CFAP299: variants seen among roughly 807,000 people sequenced by gnomAD.
The protein encoded by CFAP299 is cilia and flagella associated protein 299.
In CFAP299, 21 loss-of-function variants were observed where a neutral mutation model predicts 27.0. The observed-to-expected ratio is 0.78, with a 90% CI of 0.55 to 1.12. The LOEUF (loss-of-function observed/expected upper bound fraction) is 1.12. CFAP299 is among the 50% of genes most tolerant of loss of function. CFAP299 has a pLI of 0.00. For missense variants in CFAP299, 310 were observed against 276.6 expected (o/e 1.12, Z -0.86); for synonymous variants, 104 against 98.1 (o/e 1.06, Z -0.36).
intron 2 of CFAP299, among the ~76,000 whole-genome samples, chr4:80,438,098 T>C (rs914127777): frequency 2.0e-5 from 3 of 152,190 alleles, no homozygotes; most frequent in Admixed American, 6.5e-5. Context: ...GATAAATAAG[T>C]ACAATAATAT....
At chr4:80,952,990 T>C (rs1284919493) in intron 5 of CFAP299, among the ~76,000 whole-genome samples, 1 of 152,188 alleles carries the variant, frequency 6.6e-6, no homozygotes, top group Non-Finnish European at 1.5e-5. Flanking sequence ...GGTTCCAATT[T>C]AATCTCTTGG....
chr4:80,493,794 A>G (rs1731278873), intron 2 of CFAP299, among the ~76,000 whole-genome samples: 1 of 93,828 alleles, frequency 1.1e-5, no homozygotes, highest in African/African-American at 4.9e-5. Context: ...TTTGAGACGG[A>G]GTCTCGCTCT....
At chr4:80,327,538 G>A in the CFAP299 span, among the ~76,000 whole-genome samples, 1 of 151,520 alleles carries the variant, frequency 6.6e-6, no homozygotes, top group African/African-American at 2.4e-5. Context: ...TCTGGATTAA[G>A]GAAGGCAGCA....
intron 2 of CFAP299, among the ~76,000 whole-genome samples, chr4:80,380,958 T>C (rs1050598564): frequency 1.3e-5 from 2 of 152,168 alleles, no homozygotes; most frequent in Admixed American, 6.5e-5. Flanking sequence ...TCTAGTATAA[T>C]TGTTTTACCA....
At chr4:80,857,405 C>T (rs1327778756) in intron 3 of CFAP299, among the ~76,000 whole-genome samples, 3 of 152,118 alleles carry the variant, frequency 2.0e-5, no homozygotes, top group South Asian at 2.1e-4. Flanking sequence ...ATTTCCTTCT[C>T]CTGCCTGATT....
intron 2 of CFAP299, among the ~76,000 whole-genome samples, chr4:80,450,516 G>C (rs1728847391): frequency 6.6e-6 from 1 of 151,902 alleles, no homozygotes; most frequent in South Asian, 2.1e-4. Context: ...AGTGGTAAAG[G>C]AATACCTGAA....
intron 2 of CFAP299, among the ~76,000 whole-genome samples, chr4:80,473,565 T>TA (rs931247300): frequency 1.3e-4 from 20 of 150,730 alleles, no homozygotes; most frequent in Non-Finnish European, 2.4e-4. Flanking sequence ...TCAGCCTTAT[T>TA]AAAAAAAAAT....
intron 5 of CFAP299, among the ~76,000 whole-genome samples, chr4:80,958,271 C>T (rs533780182): frequency 1.3e-5 from 2 of 152,256 alleles, no homozygotes; most frequent in East Asian, 3.9e-4. Flanking sequence ...TAAGTCAAGT[C>T]GAACTTAATT....
intron 3 of CFAP299, among the ~76,000 whole-genome samples, chr4:80,850,380 T>C (rs913105704): frequency 3.3e-5 from 5 of 151,730 alleles, no homozygotes; most frequent in African/African-American, 9.7e-5. Flanking sequence ...CAGAAACAAC[T>C]AAGAGTTAAA....
chr4:80,522,762 C>T (rs1010090540), intron 2 of CFAP299, among the ~76,000 whole-genome samples: 1 of 151,942 alleles, frequency 6.6e-6, no homozygotes, highest in African/African-American at 2.4e-5. Flanking sequence ...CTATTCTTTC[C>T]CAGTTGTGTA....
intron 2 of CFAP299, among the ~76,000 whole-genome samples, chr4:80,461,827 C>G (rs1166451076): frequency 1.3e-5 from 2 of 152,162 alleles, no homozygotes; most frequent in Non-Finnish European, 2.9e-5. Flanking sequence ...AACTTCCTCA[C>G]TTGGACATAT....
chr4:80,888,225 C>T (rs1418933795), intron 4 of CFAP299, among the ~76,000 whole-genome samples: 1 of 151,908 alleles, frequency 6.6e-6, no homozygotes, highest in South Asian at 2.1e-4. Context: ...GGTCAACGAT[C>T]CGCTGCCTAC....
chr4:80,860,230 C>T lies in CFAP299; in HGVS notation c.334-9763C>T, dbSNP rs546652143. On this transcript the variant is annotated intron_variant, in intron 3 of 5. Transcript: ENST00000358105. ...GCTCCTGAGGCTTCTGCATTCTTCC[C>T]GTAGTTCTCGAGCCTTGGCTTTCAG... Among the ~76,000 whole-genome samples, 706 of 152,308 alleles carry T rather than the reference C, an allele frequency of 4.6e-3. 4 individuals are homozygous for T. Among genetic ancestry groups the T allele is most frequent in the African/African-American group, 0.016 (676 of 41,562 alleles).
rs985991146 is a variant in CFAP299, at chr4:80,955,365, A to T, written c.607-8152A>T. On this transcript the variant is annotated intron_variant, in intron 5 of 5. Transcript: ENST00000358105. Reference sequence around the variant, plus strand: ...GTCTTCTCATCTGTAAAAATCTAAAAATGTATAGCCATTTACAAAGAGTTG... The same window carrying T: ...GTCTTCTCATCTGTAAAAATCTAAATATGTATAGCCATTTACAAAGAGTTG... Among the ~76,000 whole-genome samples the T allele has an allele frequency of 5.3e-5, 8 of 152,202 alleles. No homozygotes were observed. The South Asian group carries it at 1.7e-3, about 31-fold the overall frequency.
intron 3 of CFAP299, among the ~76,000 whole-genome samples, chr4:80,588,906 T>C (rs182411917): frequency 1.3e-5 from 2 of 152,296 alleles, no homozygotes; most frequent in Admixed American, 1.3e-4. Flanking sequence ...TAGATGAGAA[T>C]TTTGAGGCAC....
At chr4:80,427,692 T>C (rs1011757099) in intron 2 of CFAP299, among the ~76,000 whole-genome samples, 1 of 152,200 alleles carries the variant, frequency 6.6e-6, no homozygotes, top group African/African-American at 2.4e-5. Context: ...AGGTTGTTTT[T>C]CCCTTTCTAA....
At chr4:80,799,789 T>G (rs1728233268) in intron 3 of CFAP299, among the ~76,000 whole-genome samples, 1 of 39,374 alleles carries the variant, frequency 2.5e-5, no homozygotes, top group Non-Finnish European at 4.0e-5. Context: ...ATATATTATA[T>G]ATTATATTAT....
chr4:80,954,816 G>A (rs954345667), intron 5 of CFAP299, among the ~76,000 whole-genome samples: 1 of 151,668 alleles, frequency 6.6e-6, no homozygotes, highest in Non-Finnish European at 1.5e-5. Context: ...TGGCTAACAA[G>A]GGGAAACGCT....
intron 3 of CFAP299, among the ~76,000 whole-genome samples, chr4:80,791,430 T>C (rs113851409): frequency 6.6e-6 from 1 of 152,050 alleles, no homozygotes; most frequent in African/African-American, 2.4e-5. Context: ...AATGAGATAA[T>C]ATGTACAACA....
Sources: gnomAD v4.1 joint callset for allele counts (sites outside exome capture counted in the v4.1 genomes callset) on GRCh38, gnomAD v4.1.1 for gene constraint, MANE v1.5 for transcripts, NCBI Gene and HGNC (gene_info 2026-07-23, HGNC 2026-07-21) for gene names.